The following PRDM4 variants were observed in gnomAD, a reference collection of about 807,000 sequenced individuals.
The protein encoded by PRDM4 is PR domain zinc finger protein 4.
A neutral mutation model predicts 62.3 loss-of-function variants in PRDM4; 38 were observed. The ratio of observed to expected loss-of-function variants is 0.61; its 90% CI spans 0.47 to 0.80. The LOEUF (loss-of-function observed/expected upper bound fraction) is 0.80, where lower values mean the gene tolerates loss of function less well. PRDM4 is among the 30% of genes least tolerant of loss of function. PRDM4 has a pLI of 0.00. For synonymous variants in PRDM4, 339 were observed against 348.2 expected (o/e 0.97, Z 0.30); for missense variants, 858 against 997.1 (o/e 0.86, Z 1.88).
chr12:107,739,696 A>G (rs1593163189), intron 10 of PRDM4, 145 bp from the exon 11 acceptor site: 3 of 697,798 alleles, frequency 4.3e-6, no homozygotes, highest in South Asian at 4.8e-5. Context: ...AGGGTTGTCT[A>G]TGTGAGACCA....
chr12:107,751,762 T>C lies in PRDM4; in HGVS notation c.779A>G (p.Asn260Ser), dbSNP rs776900644. 2.0e-5 allele frequency: 32 copies of C among 1,614,066 alleles called. 1 individual carries two copies. The East Asian group carries it at 6.7e-4, about 34-fold the overall frequency. Residue 260 changes from asparagine (N) to serine (S), a missense_variant, in exon 5 of 12, where the codon AAT (asparagine) becomes AGT (serine). Coordinates refer to ENST00000228437, the MANE Select transcript of PRDM4 (RefSeq NM_012406.4). ...CATGACCACAGGGAGCTCCAGGCCA[T>C]TCCCATGCATGGGTATCACACCACC... Reference protein sequence around the residue: ...GHGGVIPMHGNGLELPVVMET... With the variant: ...GHGGVIPMHGSGLELPVVMET...
Position 107,746,347 on chromosome 12 carries a change from T to C in PRDM4, c.1204A>G (p.Ile402Val), listed in dbSNP as rs773865426. Residue 402 changes from isoleucine (I) to valine (V), a missense_variant, in exon 6 of 12, where the codon ATA (isoleucine) becomes GTA (valine). By Grantham distance (29) the Ile-to-Val change is conservative. This residue lies in a region of PRDM4 where 499 missense variants were observed against 546.7 expected (regional missense o/e 0.91). Transcript: ENST00000228437. ...AGAGAAAGCCTTGCTCTGCTCTCTA[T>C]TGGAGTGTCAGGAACAAAAGTCACT... ...GPVTFVPDTPIESRARLSLPK... is the reference protein window; with the variant it reads ...GPVTFVPDTPVESRARLSLPK... 7 of 1,613,920 alleles carry C rather than the reference T, an allele frequency of 4.3e-6. No individual in the cohort carries two copies. Among genetic ancestry groups the C allele is most frequent in the East Asian group, 2.2e-5 (1 of 44,882 alleles).
At chr12:107,739,252 G>T in intron 11 of PRDM4, 131 bp downstream of exon 11, 2 of 977,368 alleles carry the variant, frequency 2.0e-6, no homozygotes, top group Non-Finnish European at 2.9e-6. Context: ...GAACACAGAA[G>T]GCATCTACCA....
intron 5 of PRDM4, among the ~76,000 whole-genome samples, chr12:107,747,173 C>T (rs1175371102): frequency 1.3e-5 from 2 of 151,988 alleles, no homozygotes; most frequent in African/African-American, 4.8e-5. Context: ...ATTACTTCAA[C>T]AATCAAGTAC....
chr12:107,746,487 C>A (rs1047928528), intron 5 of PRDM4, 63 bp from the exon 6 acceptor site: 3 of 1,316,842 alleles, frequency 2.3e-6, no homozygotes, highest in Non-Finnish European at 3.1e-6. Context: ...ATTACCACCA[C>A]GGTTTTTTTT....
rs193051380 is a variant in PRDM4 at position 107,752,610 on chromosome 12, T to C, written c.332-401A>G. Among the ~76,000 whole-genome samples the C allele has an allele frequency of 2.0e-3, 309 of 152,114 alleles. 1 individual carries two copies. The highest frequency in any genetic ancestry group is 7.0e-3 in the African/African-American group (292 of 41,530). On this transcript the variant is annotated intron_variant, in intron 4 of 11. Transcript: ENST00000228437. ...AATATAATTTAATATAATTAAACTA[T>C]CATAACACAAACTATTTAATACAAG...
Position 107,746,394 on chromosome 12 carries a change from G to C in PRDM4, c.1157C>G (p.Ser386Trp), listed in dbSNP as rs748628697. The C allele has an allele frequency of 1.2e-6, 2 of 1,612,048 alleles. No individual in the cohort carries two copies. The highest frequency in any genetic ancestry group is 1.7e-6 in the Non-Finnish European group (2 of 1,178,888). The change falls in exon 6 of 12, where the codon TCG becomes TGG. Residue 386 changes from serine (S) to tryptophan (W), a missense_variant. Physicochemically the swap from Ser to Trp is radical, Grantham distance 177. Transcript: ENST00000228437. ...WCTLCDRAYPSDCPEHGPVTF... is the reference protein window; with the variant it reads ...WCTLCDRAYPWDCPEHGPVTF... Reference sequence around the variant, plus strand: ...CACTGGTCCATGTTCGGGACAGTCCGAGGGATAGGCGCGGTCACACAGAGT... The same window carrying C: ...CACTGGTCCATGTTCGGGACAGTCCCAGGGATAGGCGCGGTCACACAGAGT...
intron 7 of PRDM4, among the ~76,000 whole-genome samples, chr12:107,744,193 G>A (rs78271093): frequency 0.016 from 2,434 of 152,078 alleles, 32 homozygotes; most frequent in Middle Eastern, 0.027. Flanking sequence ...AACATTTGAG[G>A]AATGTTTTAA....
At chr12:107,754,381 A>G (rs1001981958) in intron 3 of PRDM4, among the ~76,000 whole-genome samples, 1 of 152,154 alleles carries the variant, frequency 6.6e-6, no homozygotes, top group Non-Finnish European at 1.5e-5. Context: ...TATTTAATTA[A>G]TTAATTTATC....
chr12:107,739,673 C>T (rs996439097), intron 10 of PRDM4, 122 bp from the exon 11 acceptor site: 4 of 1,007,018 alleles, frequency 4.0e-6, no homozygotes, highest in Middle Eastern at 2.8e-4. Context: ...TGGTAAGCAG[C>T]ATTTTACTTT....
chr12:107,758,821 G>C (rs891869664), intron 2 of PRDM4, among the ~76,000 whole-genome samples: 1 of 152,132 alleles, frequency 6.6e-6, no homozygotes, highest in African/African-American at 2.4e-5. Flanking sequence ...GGCCAACCTA[G>C]TACCTTGTAT....
In PRDM4 at chr12:107,746,288, C is replaced by G; in HGVS notation, c.1263G>C (p.Val421=). The part of the protein sequence containing the change: ...PKQLVLRQSI[V]GAEVGVWTGE... ...CAAGGTTCTTACCAACTTCTGCTCC[C>G]ACAATTGACTGACGGAGAACAAGCT... The change falls in exon 6 of 12, where the codon GTG becomes GTC. Residue 421 remains valine, a synonymous_variant. Coordinates refer to ENST00000228437, the MANE Select transcript of PRDM4 (RefSeq NM_012406.4). The G allele has an allele frequency of 6.2e-7, 1 of 1,613,986 alleles. No homozygotes were observed. The highest frequency in any genetic ancestry group is 8.5e-7 in the Non-Finnish European group (1 of 1,179,972).
chr12:107,736,281 C>T (rs149775718), intron 11 of PRDM4, among the ~76,000 whole-genome samples: 8 of 152,112 alleles, frequency 5.3e-5, no homozygotes, highest in African/African-American at 1.7e-4. Flanking sequence ...ATAAAGACTA[C>T]GAAAACACAC....
chr12:107,752,228 G>T lies in PRDM4; in HGVS notation c.332-19C>A. 1 of 1,514,362 alleles carries T rather than the reference G, an allele frequency of 6.6e-7. No individual in the cohort carries two copies. The highest frequency in any genetic ancestry group is 1.1e-5 in the South Asian group (1 of 88,632). 93.8% of individuals were successfully genotyped at this position (1,514,362 alleles called of 1,614,324 possible). On this transcript the variant is annotated intron_variant, in intron 4 of 11. Coordinates refer to ENST00000228437, the MANE Select transcript of PRDM4 (RefSeq NM_012406.4). ...AAAATGCCTGAGAAAAGGAAAAGAT[G>T]AGATATCAGAGACTTTTAGTACATT...
intron 2 of PRDM4, 88 bp from the exon 3 acceptor site, chr12:107,757,053 T>C (rs1455623505): frequency 1.5e-6 from 2 of 1,373,494 alleles, no homozygotes; most frequent in Non-Finnish European, 2.0e-6. Flanking sequence ...ACAGTGGGGA[T>C]GGGGAAATGG....
chr12:107,754,188 T>C, intron 3 of PRDM4, 79 bp from the exon 4 acceptor site: 2 of 1,195,010 alleles, frequency 1.7e-6, no homozygotes, highest in Non-Finnish European at 2.3e-6. Flanking sequence ...GGCTAAACTC[T>C]TAGAAAGGTT....
At position 107,734,163 on chromosome 12, in the gene PRDM4, A is replaced by AC; in HGVS notation, c.*46_*47insG. 1 of 1,530,420 alleles carries AC rather than the reference A, an allele frequency of 6.5e-7. No individual in the cohort carries two copies. The highest frequency in any genetic ancestry group is 8.8e-7 in the Non-Finnish European group (1 of 1,136,678). The allele number at this position is 1,530,420 out of a possible 1,614,324, so 94.8% of individuals were successfully genotyped here. On this transcript the variant is annotated 3_prime_UTR_variant, in exon 12 of 12. Transcript: ENST00000228437. ...TTATAGTAGATAACTGGTTATGTGTATTTTTCCATTTGCATTTTCATCCAA... is the reference window on the plus strand; with the variant it reads ...TTATAGTAGATAACTGGTTATGTGTACTTTTTCCATTTGCATTTTCATCCAA...
Position 107,751,816 on chromosome 12 carries a change from T to C in PRDM4, c.725A>G (p.Asn242Ser), listed in dbSNP as rs777377456. 1.2e-6 allele frequency: 2 copies of C among 1,614,252 alleles called. No individual in the cohort carries two copies. Among genetic ancestry groups the C allele is most frequent in the South Asian group, 1.1e-5 (1 of 91,090 alleles). The change falls in exon 5 of 12, where the codon AAC becomes AGC. Residue 242 changes from asparagine to serine, a missense_variant. Physicochemically the swap from Asn to Ser is conservative, Grantham distance 46. Transcript: ENST00000228437. ...TCCTACAGCGTCTGCTGCAAGGTTG[T>C]TGCTCACAGAATCCACAGACAGAGG... is the stretch of plus-strand genomic sequence containing the variant. ...HEPLSVDSVS[N>S]NLAADAVGHG...
intron 6 of PRDM4, among the ~76,000 whole-genome samples, chr12:107,745,649 G>A (rs1013058129): frequency 6.6e-6 from 1 of 152,132 alleles, no homozygotes; most frequent in African/African-American, 2.4e-5. Flanking sequence ...AATTACTATA[G>A]AAATAAATCA....
Sources: allele counts gnomAD v4.1 joint callset (sites outside exome capture counted in the v4.1 genomes callset), GRCh38; gene constraint gnomAD v4.1.1; regional missense constraint gnomAD v4.1.1; transcripts MANE v1.5; gene names NCBI Gene and HGNC (gene_info 2026-07-23, HGNC 2026-07-21).